PIWIL1: variants seen among roughly 807,000 people sequenced by gnomAD.
PIWIL1 encodes piwi like RNA-mediated gene silencing 1.
In PIWIL1, 73 loss-of-function variants were observed where a neutral mutation model predicts 114.4. The observed-to-expected ratio is 0.64, with a 90% CI of 0.53 to 0.78. The LOEUF (loss-of-function observed/expected upper bound fraction) is 0.78, where lower values mean the gene tolerates loss of function less well. Among genes scored for constraint, PIWIL1 ranks in the 30% least tolerant of loss-of-function variants. The probability of loss-of-function intolerance (pLI) is 0.00; values close to 1 mark genes in which losing one functional copy is unlikely to be tolerated. For synonymous variants in PIWIL1, 375 were observed against 369.0 expected (o/e 1.02, Z -0.19); for missense variants, 723 against 1,063.1 (o/e 0.68, Z 4.45).
At chr12:130,419,307 G>A in the PIWIL1 span, among the ~76,000 whole-genome samples, 1 of 152,184 alleles carries the variant, frequency 6.6e-6, no homozygotes, top group Non-Finnish European at 1.5e-5. The surrounding 1 kb of genome is among the most constrained non-coding windows in gnomAD (Gnocchi z 4.3). Context: ...GGCCCAAGGG[G>A]TCTTTGTTAG....
intron 6 of PIWIL1, among the ~76,000 whole-genome samples, chr12:130,347,818 C>A (rs1224006647): frequency 6.6e-6 from 1 of 152,172 alleles, no homozygotes; most frequent in Non-Finnish European, 1.5e-5. Flanking sequence ...CCAGACACAG[C>A]GTGTGAGTGA....
At chr12:130,340,219 C>T (rs1226104226) in intron 1 of PIWIL1, among the ~76,000 whole-genome samples, 7 of 152,152 alleles carry the variant, frequency 4.6e-5, no homozygotes, top group Middle Eastern at 6.8e-3. Flanking sequence ...GAGGGTGTGC[C>T]ACGGTGTAGG....
At chr12:130,397,476 G>A in the PIWIL1 span, 3 of 398,994 alleles carry the variant, frequency 7.5e-6, no homozygotes, top group Non-Finnish European at 1.3e-5. Context: ...CATAGATGAC[G>A]TAGGTGACCC....
At chr12:130,406,041 G>A in the PIWIL1 span, 1 of 637,006 alleles carries the variant, frequency 1.6e-6, no homozygotes, top group Non-Finnish European at 2.8e-6. Context: ...AGCCAATTAA[G>A]CAAAGCTATC....
At chr12:130,377,917 A>C in the PIWIL1 span, among the ~76,000 whole-genome samples, 1 of 152,318 alleles carries the variant, frequency 6.6e-6, no homozygotes, top group South Asian at 2.1e-4. Flanking sequence ...GGAGTAGTAC[A>C]TGTACCTTCT....
At chr12:130,346,312 GATTTCAAGGAAAA>G in intron 4 of PIWIL1, 45 bp from the exon 5 acceptor site, 3 of 1,340,436 alleles carry the variant, frequency 2.2e-6, no homozygotes, top group Non-Finnish European at 3.2e-6. Context: ...TGGTAGGAAA[GATTTCAAGGAAAA>G]ATAAACTTGA....
At chr12:130,367,053 G>C in intron 18 of PIWIL1, 80 bp from the exon 19 acceptor site, 1 of 1,510,814 alleles carries the variant, frequency 6.6e-7, no homozygotes, top group Non-Finnish European at 9.1e-7. Flanking sequence ...TTTTTAAATG[G>C]AGCATGTGAA....
At chr12:130,395,913 G>A in the PIWIL1 span, among the ~76,000 whole-genome samples, 2 of 151,862 alleles carry the variant, frequency 1.3e-5, no homozygotes. Context: ...TACTGACTCC[G>A]TGCGAATGAC....
intron 1 of PIWIL1, among the ~76,000 whole-genome samples, chr12:130,338,672 G>T (rs1392585520): frequency 1.1e-5 from 1 of 87,492 alleles, no homozygotes; most frequent in Non-Finnish European, 2.4e-5. Context: ...GGAGCCGGGT[G>T]CGGGGGCGAG....
At chr12:130,406,376 G>A in the PIWIL1 span, 2 of 618,012 alleles carry the variant, frequency 3.2e-6, no homozygotes, top group East Asian at 2.9e-5. Context: ...GTCAAATAAA[G>A]GTAGAAGCTA....
At chr12:130,420,368 T>G in the PIWIL1 span, among the ~76,000 whole-genome samples, 1 of 152,226 alleles carries the variant, frequency 6.6e-6, no homozygotes, top group Non-Finnish European at 1.5e-5. The surrounding 1 kb of genome is among the most constrained non-coding windows in gnomAD (Gnocchi z 4.3). Flanking sequence ...CAGTTAACTC[T>G]TTTCTGAGTT....
rs780971795 is a variant in PIWIL1, at chr12:130,362,995, T to C, written c.2046T>C (p.Ala682=). The C allele has an allele frequency of 2.5e-6, 4 of 1,613,986 alleles. No individual in the cohort carries two copies. The highest frequency in any genetic ancestry group is 2.5e-6 in the Non-Finnish European group (3 of 1,179,876). ...AACTTCTCTGGCCTGTTTCAGCGGC[T>C]CTGAGGGCTTGGAATAGCTGCAATG... is the stretch of plus-strand genomic sequence containing the variant. ...VDGLKVCLQA[A]LRAWNSCNEY... Residue 682 remains alanine (A), a synonymous_variant, in exon 18 of 21, where the codon GCT becomes GCC. Coordinates refer to ENST00000245255, the MANE Select transcript of PIWIL1 (RefSeq NM_004764.5).
intron 4 of PIWIL1, 46 bp downstream of exon 4, chr12:130,345,924 A>G (rs2073056572): frequency 6.2e-7 from 1 of 1,600,594 alleles, no homozygotes; most frequent in African/African-American, 1.3e-5. Context: ...TCTCAGGAAC[A>G]CAGGACAGTG....
At chr12:130,410,516 A>G in the PIWIL1 span, among the ~76,000 whole-genome samples, 1 of 152,166 alleles carries the variant, frequency 6.6e-6, no homozygotes, top group African/African-American at 2.4e-5. Context: ...TGAAACTATG[A>G]TCCATTTTTA....
At chr12:130,413,797 C>G in the PIWIL1 span, among the ~76,000 whole-genome samples, 1 of 152,140 alleles carries the variant, frequency 6.6e-6, no homozygotes, top group African/African-American at 2.4e-5. Context: ...CCTCTCTTCC[C>G]TGCCTGTCTG....
At chr12:130,340,229 G>A (rs1269999713) in intron 1 of PIWIL1, among the ~76,000 whole-genome samples, 2 of 152,058 alleles carry the variant, frequency 1.3e-5, no homozygotes, top group African/African-American at 4.8e-5. Context: ...CACGGTGTAG[G>A]GTGAGTCACG....
At chr12:130,349,992 A>C in intron 9 of PIWIL1, 25 bp downstream of exon 9, 1,398 of 1,215,658 alleles carry the variant, frequency 1.1e-3, no homozygotes, top group Non-Finnish European at 1.5e-3. Flanking sequence ...GTTAGATCTC[A>C]GGAGAAATCC....
intron 5 of PIWIL1, 90 bp from the exon 6 acceptor site, chr12:130,346,851 A>T: frequency 6.6e-7 from 1 of 1,506,016 alleles, no homozygotes; most frequent in Non-Finnish European, 8.9e-7. Flanking sequence ...TATGGTTTTC[A>T]ATGTTGCCTT....
At chr12:130,389,938 A>C in the PIWIL1 span, among the ~76,000 whole-genome samples, 8,649 of 152,218 alleles carry the variant, frequency 0.057, 833 homozygotes, top group African/African-American at 0.2. Flanking sequence ...GGTTCTTTAG[A>C]AGTGTATTTT....
Sources: gnomAD v4.1 joint callset for allele counts (sites outside exome capture counted in the v4.1 genomes callset) on GRCh38, gnomAD v4.1.1 for gene constraint, Gnocchi (gnomAD v3.1) non-coding constraint, MANE v1.5 for transcripts, NCBI Gene and HGNC (gene_info 2026-07-23, HGNC 2026-07-21) for gene names.